Variants in CCND3 observed in about 807,000 individuals in gnomAD.
CCND3 encodes G1/S-specific cyclin-D3.
Under a neutral mutation model 28.7 loss-of-function variants are expected in CCND3, and 9 were observed. The observed-to-expected ratio is 0.31, with a 90% CI of 0.19 to 0.55. The LOEUF is 0.55. CCND3 is among the 20% of genes least tolerant of loss of function. The pLI is 0.93. For synonymous variants in CCND3, 164 were observed against 163.9 expected, an observed-to-expected ratio of 1.00 and a Z score of 0.00; for missense variants, 315 against 385.8, an observed-to-expected ratio of 0.82 and a Z score of 1.54.
chr6:42,043,162 G>A (rs1311906578), intron 1 of CCND3, among the ~76,000 whole-genome samples: 1 of 152,240 alleles, frequency 6.6e-6, no homozygotes, highest in Non-Finnish European at 1.5e-5. Context: ...GGGAGGCCGA[G>A]GCAGGAGGAC....
At chr6:41,991,624 G>C (rs929810595) in intron 1 of CCND3, among the ~76,000 whole-genome samples, 1 of 152,144 alleles carries the variant, frequency 6.6e-6, no homozygotes, top group African/African-American at 2.4e-5. Context: ...CCACCTAGCT[G>C]TTTGAAACTA....
chr6:42,034,468 C>CTTTTTTT (rs34822771), intron 1 of CCND3, among the ~76,000 whole-genome samples: 1 of 50,978 alleles, frequency 2.0e-5, no homozygotes, highest in South Asian at 9.8e-4. Context: ...CCCTGTCACT[C>CTTTTTTT]TTTTTTTTTT....
At chr6:42,009,028 G>C (rs754316421) in intron 1 of CCND3, among the ~76,000 whole-genome samples, 1 of 152,218 alleles carries the variant, frequency 6.6e-6, no homozygotes, top group Non-Finnish European at 1.5e-5. Flanking sequence ...TCTTAAGCCA[G>C]AGTCCCATCC....
intron 1 of CCND3, among the ~76,000 whole-genome samples, chr6:42,003,359 C>T (rs980092304): frequency 1.3e-5 from 2 of 150,736 alleles, no homozygotes; most frequent in Non-Finnish European, 2.9e-5. Context: ...AACCTCATCT[C>T]TACTAAAAAT....
At chr6:41,967,405 G>C (rs1285102150) in intron 1 of CCND3, among the ~76,000 whole-genome samples, 1 of 152,192 alleles carries the variant, frequency 6.6e-6, no homozygotes, top group Non-Finnish European at 1.5e-5. Flanking sequence ...CCCTGGATTT[G>C]ATTCCTACCT....
chr6:41,948,801 G>A (rs186757284), intron 1 of CCND3, among the ~76,000 whole-genome samples: 62 of 150,512 alleles, frequency 4.1e-4, no homozygotes, highest in African/African-American at 1.4e-3. Flanking sequence ...AGCTGAGATC[G>A]TGCCACTGCA....
At chr6:42,024,402 CAA>C (rs35756902) in intron 1 of CCND3, among the ~76,000 whole-genome samples, 2 of 126,788 alleles carry the variant, frequency 1.6e-5, no homozygotes, top group Non-Finnish European at 1.6e-5. Context: ...GACTCAGTCT[CAA>C]AAAAAAAAAA....
At chr6:42,005,027 A>G (rs1169819995) in intron 1 of CCND3, among the ~76,000 whole-genome samples, 3 of 152,228 alleles carry the variant, frequency 2.0e-5, no homozygotes, top group African/African-American at 7.2e-5. Context: ...GTATTAAAAA[A>G]GAAATACTGC....
intron 1 of CCND3, among the ~76,000 whole-genome samples, chr6:41,975,792 G>A (rs1175794028): frequency 6.7e-6 from 1 of 148,512 alleles, no homozygotes; most frequent in African/African-American, 2.5e-5. Context: ...TCCTAGATAT[G>A]TGAATTTTGT....
chr6:41,953,013 T>C (rs1476277513), intron 1 of CCND3, among the ~76,000 whole-genome samples: 2 of 152,180 alleles, frequency 1.3e-5, no homozygotes, highest in Admixed American at 6.5e-5. Flanking sequence ...GGCTTATGCC[T>C]GTAATCCCAG....
At chr6:42,010,841 CA>C (rs1363770199) in intron 1 of CCND3, 1 of 152,016 alleles carries the variant, frequency 6.6e-6, no homozygotes, top group Non-Finnish European at 1.5e-5. Flanking sequence ...CAACATTCCA[CA>C]ACATTCTTTA....
chr6:42,048,473 C>A lies in CCND3; in HGVS notation c.-46+28G>T, dbSNP rs757376058. 2.0e-6 allele frequency: 1 copy of A among 496,058 alleles called. No individual in the cohort carries two copies. Among genetic ancestry groups the A allele is most frequent in the South Asian group, 1.5e-5 (1 of 68,360 alleles). 30.7% of individuals were successfully genotyped at this position (496,058 alleles called of 1,614,324 possible). On this transcript the variant is annotated intron_variant, in intron 1 of 4. Transcript: ENST00000372988. This position sits in a 1 kb window ranked among gnomAD's most constrained non-coding sequence, Gnocchi z 4.7. Reference sequence around the variant, plus strand: ...CCAGCCTGAGCTGACATCCCATCTACCCCGGTTTCTCCAGCACCCAAGCCT... The same window carrying A: ...CCAGCCTGAGCTGACATCCCATCTAACCCGGTTTCTCCAGCACCCAAGCCT...
At chr6:41,951,761 A>AT (rs914191825) in intron 1 of CCND3, among the ~76,000 whole-genome samples, 5 of 150,700 alleles carry the variant, frequency 3.3e-5, no homozygotes, top group Admixed American at 1.3e-4. Context: ...CTTATTTTTT[A>AT]TTTTTTTTAT....
rs1764625766 is a variant in CCND3 at position 42,048,748 on chromosome 6, G to A, written c.-293C>T. 2.1e-6 allele frequency: 1 copy of A among 485,542 alleles called. No homozygotes were observed. Among genetic ancestry groups the A allele is most frequent in the South Asian group, 1.5e-5 (1 of 67,368 alleles). The allele number at this position is 485,542 out of a possible 1,614,324, so 30.1% of individuals were successfully genotyped here. On this transcript the variant is annotated 5_prime_UTR_variant, in exon 1 of 5. Transcript: ENST00000372988. This position sits in a 1 kb window ranked among gnomAD's most constrained non-coding sequence, Gnocchi z 4.7. ...GGCAGGAAGTGGGGAAGAGGGGGCGGAGGAGACAAAGGGGCTGGTGCTCTG... is the reference window on the plus strand; with the variant it reads ...GGCAGGAAGTGGGGAAGAGGGGGCGAAGGAGACAAAGGGGCTGGTGCTCTG...
chr6:42,043,486 G>A (rs1207586890), intron 1 of CCND3, among the ~76,000 whole-genome samples: 3 of 152,126 alleles, frequency 2.0e-5, no homozygotes, highest in East Asian at 1.9e-4. Flanking sequence ...GGCCAAGATC[G>A]TGCCAATGCA....
In CCND3 at chr6:41,989,456, AAAAAAAAAAAC is replaced by A. The variant is rs1195314287; in HGVS notation, c.-45-48882_-45-48872del. Among the ~76,000 whole-genome samples, 12 of 137,634 alleles carry A rather than the reference AAAAAAAAAAAC, an allele frequency of 8.7e-5. 1 individual carries two copies. In the East Asian group the frequency reaches 1.2e-3, roughly 14 times the overall value. 90.3% of individuals were successfully genotyped at this position (137,634 alleles called of 152,430 possible). On this transcript the variant is annotated intron_variant, in intron 1 of 4. Coordinates refer to the CCND3 transcript ENST00000372988. ...GCGACAAGAGTGAAACACTGTCTCA[AAAAAAAAAAAC>A]AAAAAAAAAAAACAGAAAAGAAAAC...
At chr6:42,006,626 C>T (rs755058674) in intron 1 of CCND3, among the ~76,000 whole-genome samples, 55 of 152,076 alleles carry the variant, frequency 3.6e-4, no homozygotes, top group Non-Finnish European at 7.1e-4. Context: ...ATTAATTAGG[C>T]AGCCAGGCGC....
At position 42,048,439 on chromosome 6, in the gene CCND3, G is replaced by A. The variant is rs145323809; in HGVS notation, c.-46+62C>T. ...GACCCACCCAGCACCGATCCCCAAC[G>A]CATGGTCTCCAGCCTGAGCTGACAT... On this transcript the variant is annotated intron_variant, in intron 1 of 4. Coordinates refer to the CCND3 transcript ENST00000372988. The surrounding 1 kb of genome is among the most constrained non-coding windows in gnomAD (Gnocchi z 4.7). 1.7e-4 allele frequency: 73 copies of A among 428,664 alleles called. 1 individual carries two copies. The East Asian group carries it at 4.3e-3, about 25-fold the overall frequency. 26.6% of individuals were successfully genotyped at this position (428,664 alleles called of 1,614,324 possible).
At chr6:41,945,793 C>A (rs1287988136), upstream of CCND3, among the ~76,000 whole-genome samples, 1 of 152,076 alleles carries the variant, frequency 6.6e-6, no homozygotes, top group African/African-American at 2.4e-5. Context: ...AATATAATAG[C>A]CCTATAATGA....
Sources: allele counts gnomAD v4.1 joint callset (sites outside exome capture counted in the v4.1 genomes callset), GRCh38; gene constraint gnomAD v4.1.1; non-coding constraint Gnocchi (gnomAD v3.1); transcripts MANE v1.5; gene names NCBI Gene and HGNC (gene_info 2026-07-23, HGNC 2026-07-21).